SNTG2: variants seen among roughly 807,000 people sequenced by gnomAD.
SNTG2 encodes syntrophin gamma 2.
SNTG2 carries 74 observed loss-of-function variants against 70.9 expected under a neutral mutation model. That is an observed-to-expected ratio of 1.04 (90% CI 0.86 to 1.27). The LOEUF (loss-of-function observed/expected upper bound fraction) is 1.27, where lower values mean the gene tolerates loss of function less well. Ranked by LOEUF, SNTG2 falls within the 50% of genes most tolerant of loss-of-function variation. The pLI is 0.00. For synonymous variants in SNTG2, 278 were observed against 273.8 expected (o/e 1.02, Z -0.15); for missense variants, 717 against 690.7 (o/e 1.04, Z -0.43).
intron 1 of SNTG2, among the ~76,000 whole-genome samples, chr2:1,009,871 C>A (rs927674921): frequency 6.6e-6 from 1 of 152,178 alleles, no homozygotes; most frequent in Non-Finnish European, 1.5e-5. Flanking sequence ...GCCCCCATCT[C>A]TCTTCTCATC....
chr2:1,298,068 T>C lies in SNTG2; in HGVS notation c.1285-10426T>C, dbSNP rs535951508. 4.5e-3 allele frequency among the ~76,000 whole-genome samples: 683 copies of C among 152,200 alleles called. 6 individuals are homozygous for C. The highest frequency in any genetic ancestry group is 0.015 in the African/African-American group (641 of 41,542). On this transcript the variant is annotated intron_variant, in intron 14 of 16. Transcript: ENST00000308624. ...GTGCTTCTTCCAGAGTAGGGGCAGG[T>C]GGGATTTCAATCTATCAGCATGTCA...
At chr2:1,336,692 C>T (rs550927191) in intron 16 of SNTG2, among the ~76,000 whole-genome samples, 2 of 152,142 alleles carry the variant, frequency 1.3e-5, no homozygotes, top group South Asian at 4.1e-4. Context: ...TCCAGTTTTC[C>T]CCACATCATT....
At chr2:1,084,359 G>A (rs1247274779) in intron 2 of SNTG2, among the ~76,000 whole-genome samples, 1 of 152,268 alleles carries the variant, frequency 6.6e-6, no homozygotes, top group South Asian at 2.1e-4. Context: ...AGATCCCACC[G>A]TAAACCGTTC....
At chr2:1,188,565 G>T (rs1027426379) in intron 8 of SNTG2, among the ~76,000 whole-genome samples, 6 of 152,124 alleles carry the variant, frequency 3.9e-5, no homozygotes, top group African/African-American at 9.6e-5. Context: ...CAATAATAAT[G>T]AGCAATACCA....
intron 8 of SNTG2, among the ~76,000 whole-genome samples, chr2:1,202,767 G>A (rs1330341306): frequency 1.3e-5 from 2 of 152,134 alleles, no homozygotes; most frequent in Admixed American, 1.3e-4. Context: ...AAAAATATCA[G>A]TCTATTAATG....
intron 8 of SNTG2, among the ~76,000 whole-genome samples, chr2:1,190,724 G>A (rs1213619317): frequency 6.6e-6 from 1 of 151,532 alleles, no homozygotes; most frequent in Non-Finnish European, 1.5e-5. Flanking sequence ...AAATGATCTG[G>A]CACGTTAAGA....
At chr2:1,031,535 T>A (rs1356171906) in intron 1 of SNTG2, among the ~76,000 whole-genome samples, 1,010 of 93,458 alleles carry the variant, frequency 0.011, 6 homozygotes, top group East Asian at 0.021. Context: ...TATATTTTTT[T>A]TTTTTTTTTT....
intron 12 of SNTG2, among the ~76,000 whole-genome samples, chr2:1,251,781 C>T (rs1016488202): frequency 1.3e-5 from 2 of 150,786 alleles, no homozygotes; most frequent in East Asian, 2.0e-4. Flanking sequence ...CACATCTGCA[C>T]ACCACTCATG....
At chr2:1,157,831 C>T (rs1267300090) in intron 6 of SNTG2, among the ~76,000 whole-genome samples, 1 of 152,176 alleles carries the variant, frequency 6.6e-6, no homozygotes, top group Non-Finnish European at 1.5e-5. Context: ...GATATGAGCC[C>T]AGCACCGCAA....
At chr2:1,291,833 C>A (rs1336351299) in intron 14 of SNTG2, among the ~76,000 whole-genome samples, 1 of 152,142 alleles carries the variant, frequency 6.6e-6, no homozygotes, top group East Asian at 1.9e-4. Flanking sequence ...CTTGACATTC[C>A]ATAGGAATTT....
intron 1 of SNTG2, among the ~76,000 whole-genome samples, chr2:1,060,395 C>T (rs1374055546): frequency 2.6e-5 from 4 of 152,076 alleles, no homozygotes; most frequent in South Asian, 2.1e-4. Flanking sequence ...GAGAGAAGTG[C>T]ATAGATACAG....
chr2:1,250,031 G>A (rs1405047445), intron 12 of SNTG2, among the ~76,000 whole-genome samples: 2 of 152,206 alleles, frequency 1.3e-5, no homozygotes, highest in Non-Finnish European at 2.9e-5. Flanking sequence ...CACAGGACCA[G>A]CCGTGCGTGC....
chr2:1,240,247 A>C (rs1477546476), intron 11 of SNTG2, among the ~76,000 whole-genome samples: 1 of 152,146 alleles, frequency 6.6e-6, no homozygotes, highest in African/African-American at 2.4e-5. Flanking sequence ...TGTCATCCCC[A>C]AATCCAGGCA....
At chr2:1,129,300 T>C (rs1054008065) in intron 4 of SNTG2, among the ~76,000 whole-genome samples, 1 of 152,242 alleles carries the variant, frequency 6.6e-6, no homozygotes, top group African/African-American at 2.4e-5. Context: ...CAGAAGTCTT[T>C]ATGATAAATG....
intron 1 of SNTG2, among the ~76,000 whole-genome samples, chr2:994,066 T>C (rs1661594584): frequency 6.6e-6 from 1 of 152,204 alleles, no homozygotes; most frequent in Non-Finnish European, 1.5e-5. Flanking sequence ...AACAATTGTC[T>C]GACCCAAGAT....
At chr2:1,014,299 A>G (rs368579191) in intron 1 of SNTG2, among the ~76,000 whole-genome samples, 1 of 46,144 alleles carries the variant, frequency 2.2e-5, no homozygotes, top group East Asian at 3.7e-4. Flanking sequence ...ATGGGCAGAG[A>G]GAAGGGTGGT....
chr2:1,207,581 G>A (rs891282039), intron 8 of SNTG2, among the ~76,000 whole-genome samples: 1 of 152,190 alleles, frequency 6.6e-6, no homozygotes, highest in African/African-American at 2.4e-5. Context: ...TTGAGGTGGA[G>A]GAGAATGAGA....
intron 2 of SNTG2, among the ~76,000 whole-genome samples, chr2:1,096,473 G>A (rs1331149364): frequency 6.6e-6 from 1 of 151,976 alleles, no homozygotes; most frequent in Admixed American, 6.6e-5. Context: ...CCTTTGGCCT[G>A]CACCTCCGCC....
chr2:1,224,965 C>T (rs908637761), intron 9 of SNTG2, among the ~76,000 whole-genome samples: 4 of 152,172 alleles, frequency 2.6e-5, no homozygotes, highest in African/African-American at 4.8e-5. Context: ...CAGTGTTAGG[C>T]AGGAAAACAT....
Sources: gnomAD v4.1 joint callset for allele counts (sites outside exome capture counted in the v4.1 genomes callset) on GRCh38, gnomAD v4.1.1 for gene constraint, MANE v1.5 for transcripts, NCBI Gene and HGNC (gene_info 2026-07-23, HGNC 2026-07-21) for gene names.